Variants in KLHL14 observed in about 807,000 individuals in gnomAD.
KLHL14 encodes the protein kelch-like protein 14.
A neutral mutation model predicts 64.3 loss-of-function variants in KLHL14; 22 were observed. That is an observed-to-expected ratio of 0.34 (90% confidence interval 0.24 to 0.49). The LOEUF is 0.49. KLHL14 is among the 20% of genes least tolerant of loss of function. The probability of loss-of-function intolerance (pLI) is 0.99; values close to 1 mark genes in which losing one functional copy is unlikely to be tolerated. For missense variants in KLHL14, 661 were observed against 789.0 expected (o/e 0.84, Z 1.94); for synonymous variants, 322 against 333.4 (o/e 0.97, Z 0.37).
intron 2 of KLHL14, among the ~76,000 whole-genome samples, chr18:32,762,645 TG>T (rs2050320575): frequency 6.6e-6 from 1 of 152,136 alleles, no homozygotes; most frequent in South Asian, 2.1e-4. Flanking sequence ...ACACACTCAT[TG>T]TATCATCTGT....
At chr18:32,682,568 A>G (rs1165793967) in intron 5 of KLHL14, among the ~76,000 whole-genome samples, 2 of 152,172 alleles carry the variant, frequency 1.3e-5, no homozygotes, top group Admixed American at 1.3e-4. Context: ...GGGATTTCTG[A>G]TCTTTAAAAA....
chr18:32,761,938 T>G (rs2144189271), intron 2 of KLHL14, among the ~76,000 whole-genome samples: 1 of 152,308 alleles, frequency 6.6e-6, no homozygotes, highest in East Asian at 1.9e-4. Context: ...TTCTCCTTGC[T>G]TCTCAGGTCT....
At chr18:32,744,644 CAA>C in intron 2 of KLHL14, 1 of 148,712 alleles carries the variant, frequency 6.7e-6, no homozygotes, top group Non-Finnish European at 1.5e-5. Context: ...AACTCCATCT[CAA>C]AAAAAAAATG....
intron 3 of KLHL14, among the ~76,000 whole-genome samples, chr18:32,736,099 T>C (rs1399182540): frequency 2.0e-5 from 3 of 152,130 alleles, no homozygotes; most frequent in Non-Finnish European, 2.9e-5. Flanking sequence ...TGCTGTTCTC[T>C]GGAGAAAAAA....
intron 4 of KLHL14, among the ~76,000 whole-genome samples, chr18:32,687,808 A>G (rs2049886814): frequency 6.6e-6 from 1 of 152,200 alleles, no homozygotes; most frequent in Admixed American, 6.5e-5. Context: ...TCACATGTGC[A>G]TGGCCTCTCT....
chr18:32,739,510 T>G (rs2050184043), intron 3 of KLHL14, among the ~76,000 whole-genome samples: 1 of 152,082 alleles, frequency 6.6e-6, no homozygotes, highest in South Asian at 2.1e-4. Context: ...ATAAACTATA[T>G]ATTTTTAAGT....
intron 3 of KLHL14, chr18:32,734,005 A>C: frequency 1.7e-6 from 1 of 601,510 alleles, no homozygotes; most frequent in Non-Finnish European, 3.0e-6. Context: ...TGATGTTGGG[A>C]TGACTATTCT....
At chr18:32,757,407 A>G (rs1045743855) in intron 2 of KLHL14, among the ~76,000 whole-genome samples, 1 of 152,180 alleles carries the variant, frequency 6.6e-6, no homozygotes, top group African/African-American at 2.4e-5. Context: ...ATGTGTGGTG[A>G]AGCCCTCCAT....
chr18:32,708,623 C>A (rs1466358173), intron 3 of KLHL14, among the ~76,000 whole-genome samples: 1 of 152,212 alleles, frequency 6.6e-6, no homozygotes, highest in Non-Finnish European at 1.5e-5. Flanking sequence ...CACCCCACTA[C>A]CTGACCCACC....
intron 4 of KLHL14, 85 bp downstream of exon 4, chr18:32,695,378 A>C: frequency 1.2e-6 from 1 of 836,660 alleles, no homozygotes; most frequent in Non-Finnish European, 2.0e-6. Context: ...TATTTTCCAC[A>C]CTAATTACAA....
intron 3 of KLHL14, among the ~76,000 whole-genome samples, chr18:32,736,682 A>T (rs945605820): frequency 1.3e-5 from 2 of 152,096 alleles, no homozygotes; most frequent in Non-Finnish European, 2.9e-5. Flanking sequence ...TTTCCTATAG[A>T]TACACAAATT....
At chr18:32,771,785 G>A (rs2050387759) in intron 1 of KLHL14, among the ~76,000 whole-genome samples, 2 of 151,206 alleles carry the variant, frequency 1.3e-5, no homozygotes, top group Admixed American at 1.3e-4. Flanking sequence ...GGAGGGGTGG[G>A]GGCTGTCGAA....
rs1050997235 is a variant in KLHL14, at chr18:32,769,202, C to A, written c.947+443G>T. ...AGCATCGCCTGGGCTCTTCTGCTCA[C>A]CCAAGGCAGAACTGAGGAGGGGTGG... On this transcript the variant is annotated intron_variant, in intron 2 of 8. Transcript: ENST00000359358. Among the ~76,000 whole-genome samples, 7 of 152,188 alleles carry A rather than the reference C, an allele frequency of 4.6e-5. No homozygotes were observed. The East Asian group carries it at 9.6e-4, about 21-fold the overall frequency.
At chr18:32,763,258 A>G (rs2050323956) in intron 2 of KLHL14, among the ~76,000 whole-genome samples, 1 of 152,150 alleles carries the variant, frequency 6.6e-6, no homozygotes, top group African/African-American at 2.4e-5. Context: ...ATTCAGAACT[A>G]ATAATTAAGT....
chr18:32,732,928 A>T (rs896643469), intron 3 of KLHL14, among the ~76,000 whole-genome samples: 18 of 152,170 alleles, frequency 1.2e-4, no homozygotes, highest in African/African-American at 3.4e-4. Context: ...TTATTTAATG[A>T]ACTTCCACCT....
At chr18:32,759,110 A>G (rs2050300155) in intron 2 of KLHL14, among the ~76,000 whole-genome samples, 1 of 152,228 alleles carries the variant, frequency 6.6e-6, no homozygotes, top group African/African-American at 2.4e-5. Context: ...TATATTAATT[A>G]CATCTCAATA....
In KLHL14 at chr18:32,674,357, A is replaced by G. The variant is rs2144459177; in HGVS notation, c.*300T>C. ...CTCTGGGGCCAGTCTTCTGTATTTT[A>G]TCTTTCTCCTTTTGCAAGTTAAGAT... On this transcript the variant is annotated 3_prime_UTR_variant, in exon 9 of 9. Coordinates refer to ENST00000359358, the MANE Select transcript of KLHL14 (RefSeq NM_020805.3). The G allele has an allele frequency of 6.7e-6, 2 of 297,998 alleles. No homozygotes were observed. The highest frequency in any genetic ancestry group is 4.5e-5 in the Admixed American group (1 of 22,180). 18.5% of individuals were successfully genotyped at this position (297,998 alleles called of 1,614,324 possible).
chr18:32,734,245 A>G (rs759548475), intron 3 of KLHL14: 12 of 702,654 alleles, frequency 1.7e-5, no homozygotes, highest in South Asian at 1.6e-4. Context: ...TGGTCCTGTG[A>G]CTGAGAAGAA....
chr18:32,703,920 A>G (rs753965742), intron 3 of KLHL14, among the ~76,000 whole-genome samples: 41 of 152,222 alleles, frequency 2.7e-4, no homozygotes, highest in Non-Finnish European at 4.7e-4. Context: ...CCTGTTTTAC[A>G]AAGTGTTGTG....
Sources: gnomAD v4.1 joint callset for allele counts (sites outside exome capture counted in the v4.1 genomes callset) on GRCh38, gnomAD v4.1.1 for gene constraint, MANE v1.5 for transcripts, NCBI Gene and HGNC (gene_info 2026-07-23, HGNC 2026-07-21) for gene names.